Variants in PTK2 observed in about 807,000 individuals in gnomAD.
PTK2 encodes the protein protein tyrosine kinase 2.
In PTK2, 45 loss-of-function variants were observed where a neutral mutation model predicts 150.1. That is an observed-to-expected ratio of 0.30 (90% CI 0.24 to 0.38). The LOEUF is 0.38. Ranked by LOEUF, PTK2 falls within the 10% of genes least tolerant of loss-of-function variation. The pLI is 1.00. For missense variants in PTK2, 919 were observed against 1,307.3 expected (o/e 0.70, Z 4.58); for synonymous variants, 432 against 449.2 (o/e 0.96, Z 0.48).
chr8:140,910,811 A>T (rs1487210999), intron 2 of PTK2, among the ~76,000 whole-genome samples: 1 of 152,076 alleles, frequency 6.6e-6, no homozygotes, highest in Non-Finnish European at 1.5e-5. Context: ...TCCCTGACCA[A>T]TTACACAGAC....
chr8:140,777,941 C>T (rs998346519), intron 14 of PTK2, among the ~76,000 whole-genome samples: 11 of 152,202 alleles, frequency 7.2e-5, no homozygotes, highest in African/African-American at 2.7e-4. Context: ...TTCAACTGCC[C>T]TGCTCCTCTA....
chr8:140,685,401 TTAAAC>T (rs751427318), intron 27 of PTK2, among the ~76,000 whole-genome samples: 4 of 152,274 alleles, frequency 2.6e-5, no homozygotes, highest in Middle Eastern at 3.4e-3. Flanking sequence ...TGGGACCTAA[TTAAAC>T]TAAAGAGCTT....
intron 1 of PTK2, among the ~76,000 whole-genome samples, chr8:140,939,800 C>A (rs557149456): frequency 6.6e-6 from 1 of 152,306 alleles, no homozygotes; most frequent in South Asian, 2.1e-4. Context: ...TTGTCCTGCT[C>A]TGGCATTAAC....
At chr8:140,756,523 C>T (rs1184754547) in intron 16 of PTK2, among the ~76,000 whole-genome samples, 1 of 151,186 alleles carries the variant, frequency 6.6e-6, no homozygotes, top group Non-Finnish European at 1.5e-5. Flanking sequence ...CGTGAAGAAA[C>T]CCCATCTCTA....
Position 140,921,484 on chromosome 8 carries a change from C to T in PTK2, c.-33+4177G>A, listed in dbSNP as rs549598006. On this transcript the variant is annotated intron_variant, in intron 2 of 31. Transcript: ENST00000522684. ...TTTTACTAACCTAATTCTTTATGAC[C>T]TTAGAGTTAAAATAATTACTTTGAT... is the stretch of plus-strand genomic sequence containing the variant. 8.5e-5 allele frequency among the ~76,000 whole-genome samples: 13 copies of T among 152,180 alleles called. 1 individual carries two copies. The highest frequency in any genetic ancestry group is 6.8e-3 in the Middle Eastern group (2 of 294).
At position 140,875,970 on chromosome 8, in the gene PTK2, G is replaced by C. The variant is rs552894096; in HGVS notation, c.362+3501C>G. Among the ~76,000 whole-genome samples, 9 of 152,280 alleles carry C rather than the reference G, an allele frequency of 5.9e-5. No individual in the cohort carries two copies. In the South Asian group the frequency reaches 1.7e-3, roughly 28 times the overall value. ...ATTTATTAAATTCTTGGTGATAATA[G>C]CTTGTATTGTAATTGCCTTCTATAT... On this transcript the variant is annotated intron_variant, in intron 4 of 31. Coordinates refer to ENST00000522684, the Ensembl canonical transcript of PTK2.
intron 14 of PTK2, among the ~76,000 whole-genome samples, chr8:140,769,855 T>G (rs1444205064): frequency 6.6e-6 from 1 of 152,250 alleles, no homozygotes; most frequent in Admixed American, 6.5e-5. Context: ...ACAGCTAAAG[T>G]ATTACAGAGT....
intron 4 of PTK2, 37 bp downstream of exon 4, chr8:140,879,434 C>A: frequency 6.5e-7 from 1 of 1,528,194 alleles, no homozygotes; most frequent in Non-Finnish European, 8.8e-7. Flanking sequence ...CAAAAGAAAT[C>A]AAGTGTGCAT....
At chr8:140,691,843 T>C (rs963937096) in intron 26 of PTK2, among the ~76,000 whole-genome samples, 2 of 152,168 alleles carry the variant, frequency 1.3e-5, no homozygotes, top group African/African-American at 4.8e-5. Flanking sequence ...TCAATTAATA[T>C]CCAAGGCACA....
At chr8:140,910,219 G>C (rs2100162573) in intron 2 of PTK2, among the ~76,000 whole-genome samples, 1 of 152,118 alleles carries the variant, frequency 6.6e-6, no homozygotes, top group Admixed American at 6.5e-5. Context: ...AAATAAAAGA[G>C]TGGGGGAGGT....
At chr8:140,955,842 G>C (rs1445695809) in intron 1 of PTK2, among the ~76,000 whole-genome samples, 1 of 152,178 alleles carries the variant, frequency 6.6e-6, no homozygotes, top group Non-Finnish European at 1.5e-5. Flanking sequence ...GGGTAAAGAA[G>C]GTGGAGGCAT....
intron 2 of PTK2, among the ~76,000 whole-genome samples, chr8:140,908,030 C>T (rs1439979136): frequency 6.6e-6 from 1 of 152,146 alleles, no homozygotes; most frequent in African/African-American, 2.4e-5. Flanking sequence ...ATGTCAAAAG[C>T]TGAAACAAGC....
At chr8:140,832,508 G>GA (rs1287553007) in intron 7 of PTK2, among the ~76,000 whole-genome samples, 2 of 152,198 alleles carry the variant, frequency 1.3e-5, no homozygotes, top group African/African-American at 4.8e-5. Context: ...GAAGTTCCTG[G>GA]AATGTGAAGG....
At chr8:140,805,506 C>G (rs952722354) in intron 10 of PTK2, among the ~76,000 whole-genome samples, 1 of 149,708 alleles carries the variant, frequency 6.7e-6, no homozygotes, top group Non-Finnish European at 1.5e-5. Context: ...TTGCAGTGAG[C>G]TGAGATCATG....
rs190157279 is a variant in PTK2 at position 140,682,144 on chromosome 8, A to T, written c.2562+4488T>A. Among the ~76,000 whole-genome samples the T allele has an allele frequency of 4.1e-4, 62 of 152,310 alleles. 1 individual carries two copies. Among genetic ancestry groups the T allele is most frequent in the Middle Eastern group, 3.4e-3 (1 of 294 alleles). ...TGTAGTAAGAGCATAAAAATTTAGC[A>T]AATGGGCCAGGTGGATCACTTGAAG... is the stretch of plus-strand genomic sequence containing the variant. On this transcript the variant is annotated intron_variant, in intron 27 of 31. Transcript: ENST00000522684.
At chr8:140,682,362 C>T (rs10097013) in intron 27 of PTK2, among the ~76,000 whole-genome samples, 64,002 of 151,862 alleles carry the variant, frequency 0.42, 14,029 homozygotes, top group Non-Finnish European at 0.49. Flanking sequence ...AGAGCAAGAC[C>T]CTGTCTCAAA....
At chr8:140,710,644 C>G (rs776626308) in intron 23 of PTK2, among the ~76,000 whole-genome samples, 1 of 152,162 alleles carries the variant, frequency 6.6e-6, no homozygotes, top group Non-Finnish European at 1.5e-5. Context: ...GCACTGCAGC[C>G]TGGGCAACAG....
chr8:140,671,714 C>A (rs377628333), intron 29 of PTK2, among the ~76,000 whole-genome samples: 1,676 of 147,366 alleles, frequency 0.011, 36 homozygotes, highest in African/African-American at 0.04. Flanking sequence ...GAGATCAAGA[C>A]CATCCTGGCT....
intron 27 of PTK2, among the ~76,000 whole-genome samples, chr8:140,679,715 G>C (rs2100015999): frequency 6.6e-6 from 1 of 152,166 alleles, no homozygotes; most frequent in African/African-American, 2.4e-5. Flanking sequence ...CTAAATAAAA[G>C]TTTACCTTTT....
Sources: allele counts gnomAD v4.1 joint callset (sites outside exome capture counted in the v4.1 genomes callset), GRCh38; gene constraint gnomAD v4.1.1; transcripts MANE v1.5; gene names NCBI Gene and HGNC (gene_info 2026-07-23, HGNC 2026-07-21).